STX12: variants seen among roughly 807,000 people sequenced by gnomAD.
STX12 encodes the protein syntaxin-12.
Under a neutral mutation model 42.2 loss-of-function variants are expected in STX12, and 17 were observed. That is an observed-to-expected ratio of 0.40 (90% CI 0.28 to 0.60). The LOEUF is 0.60. STX12 is among the 20% of genes least tolerant of loss of function. The pLI is 0.39. For missense variants in STX12, 297 were observed against 330.9 expected (o/e 0.90, Z 0.79); for synonymous variants, 108 against 116.7 (o/e 0.93, Z 0.48).
At chr1:27,786,671 A>G (rs1197543416) in intron 1 of STX12, among the ~76,000 whole-genome samples, 1 of 152,224 alleles carries the variant, frequency 6.6e-6, no homozygotes, top group East Asian at 1.9e-4. Context: ...GAATGAATGA[A>G]TGAGTTCTGT....
chr1:27,806,255 C>T (rs896706626), intron 4 of STX12, among the ~76,000 whole-genome samples: 1 of 152,154 alleles, frequency 6.6e-6, no homozygotes, highest in African/African-American at 2.4e-5. Flanking sequence ...AAGTGACAGG[C>T]TCATACTTCT....
chr1:27,788,873 G>A (rs780331236), intron 1 of STX12, among the ~76,000 whole-genome samples: 7 of 152,086 alleles, frequency 4.6e-5, no homozygotes, highest in African/African-American at 7.2e-5. Context: ...TTAATCGGGC[G>A]TGGTGGCAGG....
Position 27,822,451 on chromosome 1 carries a change from G to GTTTC in STX12, c.*122_*123insTTTC. The GTTTC allele has an allele frequency of 1.5e-6, 1 of 661,408 alleles. No homozygotes were observed. Among genetic ancestry groups the GTTTC allele is most frequent in the Non-Finnish European group, 2.7e-6 (1 of 364,154 alleles). 41.0% of individuals were successfully genotyped at this position (661,408 alleles called of 1,614,324 possible). A position where few individuals can be genotyped will look rare whatever the true frequency, so the allele number is the denominator to read the frequency against. On this transcript the variant is annotated 3_prime_UTR_variant, in exon 9 of 9. Transcript: ENST00000373943. Reference sequence around the variant, plus strand: ...AGAACGTCCTGTAATCATTTAGTTAGAAACTAACTACTAACTAGTCTTTGG... The same window carrying GTTTC: ...AGAACGTCCTGTAATCATTTAGTTAGTTTCAAACTAACTACTAACTAGTCTTTGG...
chr1:27,804,168 G>A (rs902086909), intron 4 of STX12, among the ~76,000 whole-genome samples: 1 of 152,066 alleles, frequency 6.6e-6, no homozygotes, highest in African/African-American at 2.4e-5. Flanking sequence ...GCTCATGCCT[G>A]TAATCCCAGC....
At chr1:27,821,543 T>TC (rs1247178008) in intron 8 of STX12, among the ~76,000 whole-genome samples, 2 of 149,874 alleles carry the variant, frequency 1.3e-5, no homozygotes, top group East Asian at 3.9e-4. Flanking sequence ...GATTTTTTTT[T>TC]CTCCCTCCGC....
chr1:27,815,180 G>A (rs2148607400), intron 6 of STX12, among the ~76,000 whole-genome samples: 1 of 152,286 alleles, frequency 6.6e-6, no homozygotes, highest in African/African-American at 2.4e-5. Context: ...GTGACTTAGA[G>A]GGAGGGAGTC....
Position 27,822,378 on chromosome 1 carries a change from G to A in STX12, c.*49G>A. 8.2e-7 allele frequency: 1 copy of A among 1,212,264 alleles called. No homozygotes were observed. The highest frequency in any genetic ancestry group is 1.2e-6 in the Non-Finnish European group (1 of 813,210). 75.1% of individuals were successfully genotyped at this position (1,212,264 alleles called of 1,614,324 possible). A position where few individuals can be genotyped will look rare whatever the true frequency, so the allele number is the denominator to read the frequency against. ...GAGCTGTTTTCAAGGGCAAGTGCTT[G>A]TTGAAGTCTTGCCAGAACAAACTGA... On this transcript the variant is annotated 3_prime_UTR_variant, in exon 9 of 9. Transcript: ENST00000373943.
At position 27,817,910 on chromosome 1, in the gene STX12, G is replaced by T; in HGVS notation, c.636G>T (p.Gln212His). ...ATTTGGCCATGATGATCCATGACCA[G>T]GGTGATCTGATTGGTATGTATTATT... Reference protein sequence around the residue: ...FKDLAMMIHDQGDLIDSIEAN... With the variant: ...FKDLAMMIHDHGDLIDSIEAN... Residue 212 changes from glutamine (Q) to histidine (H), a missense_variant, in exon 7 of 9, where the codon CAG becomes CAT. Transcript: ENST00000373943. 6.2e-7 allele frequency: 1 copy of T among 1,613,818 alleles called. No homozygotes were observed. The highest frequency in any genetic ancestry group is 1.1e-5 in the South Asian group (1 of 91,050).
rs576219095 is a variant in STX12, at chr1:27,781,375, C to A, written c.118+7950C>A. Among the ~76,000 whole-genome samples the A allele has an allele frequency of 5.3e-5, 8 of 152,214 alleles. 1 individual carries two copies. The South Asian group carries it at 1.7e-3, about 32-fold the overall frequency. On this transcript the variant is annotated intron_variant, in intron 1 of 8. Coordinates refer to ENST00000373943, the MANE Select transcript of STX12 (RefSeq NM_177424.3). ...GTGACATTATTAATACTTGTTGAAT[C>A]CCTTGCCCTGCAATAGTTTAATAGT...
chr1:27,810,073 C>T, intron 4 of STX12, 173 bp from the exon 5 acceptor site: 1 of 549,446 alleles, frequency 1.8e-6, no homozygotes, highest in South Asian at 2.8e-5. Flanking sequence ...TTTCTTCAAC[C>T]ACTTTACACC....
chr1:27,816,715 A>G lies in STX12; in HGVS notation c.577-1136A>G, dbSNP rs574929753. 3.3e-3 allele frequency among the ~76,000 whole-genome samples: 501 copies of G among 151,444 alleles called. 4 individuals are homozygous for G. The highest frequency in any genetic ancestry group is 0.011 in the African/African-American group (473 of 41,280). On this transcript the variant is annotated intron_variant, in intron 6 of 8. Coordinates refer to ENST00000373943, the MANE Select transcript of STX12 (RefSeq NM_177424.3). ...CAGTGGATCACGATGTCAGGAGTTC[A>G]AGACCAGCCTGGCCAACATGGTGAA...
At chr1:27,806,990 G>A (rs1038612239) in intron 4 of STX12, among the ~76,000 whole-genome samples, 3 of 152,112 alleles carry the variant, frequency 2.0e-5, no homozygotes, top group African/African-American at 7.2e-5. Context: ...CGCACGTTGG[G>A]ATTACAATTC....
chr1:27,773,312 C>T lies in STX12; in HGVS notation c.5C>T (p.Ser2Leu). The part of the protein sequence containing the change: M[S>L]YGPLDMYRNP... Reference sequence around the variant, plus strand: ...AGCAGGTCTCAGCTCCTCGTCATGTCATACGGTCCCTTAGACATGTACCGG... The same window carrying T: ...AGCAGGTCTCAGCTCCTCGTCATGTTATACGGTCCCTTAGACATGTACCGG... The change falls in exon 1 of 9, where the codon TCA becomes TTA. Residue 2 changes from serine (S) to leucine (L), a missense_variant. Ser to Leu is a moderately radical substitution (Grantham distance 145, BLOSUM62 -2). Coordinates refer to ENST00000373943, the MANE Select transcript of STX12 (RefSeq NM_177424.3). 6.2e-7 allele frequency: 1 copy of T among 1,606,324 alleles called. No homozygotes were observed. The highest frequency in any genetic ancestry group is 8.5e-7 in the Non-Finnish European group (1 of 1,175,458).
At chr1:27,811,302 C>G (rs1471337021) in intron 5 of STX12, among the ~76,000 whole-genome samples, 1 of 109,972 alleles carries the variant, frequency 9.1e-6, no homozygotes, top group South Asian at 3.2e-4. Context: ...AGCGAAACTC[C>G]GTCTCAAAAA....
At chr1:27,804,810 CAAA>C (rs975417288) in intron 4 of STX12, among the ~76,000 whole-genome samples, 1 of 119,872 alleles carries the variant, frequency 8.3e-6, no homozygotes. Flanking sequence ...GACTCCATCT[CAAA>C]AAAAAAAAAA....
Position 27,793,628 on chromosome 1 carries a change from A to C in STX12, c.284A>C (p.Glu95Ala). 1 of 1,613,372 alleles carries C rather than the reference A, an allele frequency of 6.2e-7. No homozygotes were observed. Among genetic ancestry groups the C allele is most frequent in the Non-Finnish European group, 8.5e-7 (1 of 1,179,384 alleles). Reference protein sequence around the residue: ...GSLPLPLSTSEQRQQRLQKER... With the variant: ...GSLPLPLSTSAQRQQRLQKER... ...TTGCCCCTTCCCTTATCTACTTCAG[A>C]ACAGGTTGGTATTTTCTGTTTTGTT... is the stretch of plus-strand genomic sequence containing the variant. The change falls in exon 3 of 9, where the codon GAA becomes GCA. Residue 95 changes from glutamate (E) to alanine (A), a missense_variant. By Grantham distance (107) the Glu-to-Ala change is moderately radical. Coordinates refer to ENST00000373943, the MANE Select transcript of STX12 (RefSeq NM_177424.3).
rs1158041698 is a variant in STX12 at position 27,823,535 on chromosome 1, T to G, written c.*1206T>G. 1 of 152,662 alleles carries G rather than the reference T, an allele frequency of 6.6e-6. No individual in the cohort carries two copies. Among genetic ancestry groups the G allele is most frequent in the South Asian group, 2.1e-4 (1 of 4,834 alleles). The allele number at this position is 152,662 out of a possible 1,614,324, so 9.5% of individuals were successfully genotyped here. On this transcript the variant is annotated 3_prime_UTR_variant, in exon 9 of 9. Transcript: ENST00000373943. ...GAACAGTTAAAGGGAACATAATTTG[T>G]TTAGGCTCCCACATAAATGTGAATC...
chr1:27,818,162 C>G, intron 7 of STX12: 1 of 417,842 alleles, frequency 2.4e-6, no homozygotes, highest in Non-Finnish European at 4.4e-6. Context: ...GCGGGCAGAT[C>G]ATGAGGTCAG....
intron 1 of STX12, among the ~76,000 whole-genome samples, chr1:27,777,504 C>T (rs959494834): frequency 6.6e-6 from 1 of 152,136 alleles, no homozygotes; most frequent in Non-Finnish European, 1.5e-5. Flanking sequence ...ATGAATGAGG[C>T]ATTTCTACCA....
Sources: gnomAD v4.1 joint callset for allele counts (sites outside exome capture counted in the v4.1 genomes callset) on GRCh38, gnomAD v4.1.1 for gene constraint, MANE v1.5 for transcripts, NCBI Gene and HGNC (gene_info 2026-07-23, HGNC 2026-07-21) for gene names.